TMEM245: variants seen among roughly 807,000 people sequenced by gnomAD.
TMEM245 encodes the protein protein CG-2.
In TMEM245, 69 loss-of-function variants were observed where a neutral mutation model predicts 101.2. The observed-to-expected ratio is 0.68, with a 90% CI of 0.56 to 0.83. The LOEUF is 0.83. Ranked by LOEUF, TMEM245 falls within the 40% of genes least tolerant of loss-of-function variation. The pLI is 0.00. For synonymous variants in TMEM245, 537 were observed against 449.8 expected (o/e 1.19, Z -2.45); for missense variants, 1,075 against 1,092.8 (o/e 0.98, Z 0.23).
rs778313333 is a variant in TMEM245 at position 109,087,275 on chromosome 9, C to T, written c.1218G>A (p.Val406=). 5.0e-6 allele frequency: 8 copies of T among 1,613,786 alleles called. No homozygotes were observed. In the African/African-American group the frequency reaches 5.3e-5, roughly 11 times the overall value. ...VVDFLEKRYH[V]WWGIIESFLK... ...GGAAGCTTTCTATAATGCCCCACCACACATGGTAGCGTTTCTCTAGGAAAT... is the reference window on the plus strand; with the variant it reads ...GGAAGCTTTCTATAATGCCCCACCATACATGGTAGCGTTTCTCTAGGAAAT... The change falls in exon 6 of 18, where the codon GTG becomes GTA. Residue 406 remains valine, a synonymous_variant. Coordinates refer to ENST00000374586, the MANE Select transcript of TMEM245 (RefSeq NM_032012.4).
At chr9:109,034,973 A>G (rs1828074829) in intron 16 of TMEM245, among the ~76,000 whole-genome samples, 1 of 151,846 alleles carries the variant, frequency 6.6e-6, no homozygotes, top group Non-Finnish European at 1.5e-5. Context: ...CCTGATCAAC[A>G]TGGTGAAATC....
chr9:109,030,797 G>A (rs1827922894), intron 17 of TMEM245, among the ~76,000 whole-genome samples: 1 of 152,126 alleles, frequency 6.6e-6, no homozygotes, highest in Non-Finnish European at 1.5e-5. Context: ...TGGCTAAAAT[G>A]GCCCCCTAAC....
intron 14 of TMEM245, among the ~76,000 whole-genome samples, chr9:109,048,059 T>C (rs780826955): frequency 2.0e-5 from 3 of 152,258 alleles, no homozygotes; most frequent in Non-Finnish European, 2.9e-5. Context: ...AGGGAAGCTA[T>C]AGCTGGTACT....
At chr9:109,106,432 C>T (rs1340786004) in intron 3 of TMEM245, 76 bp downstream of exon 3, 15 of 871,934 alleles carry the variant, frequency 1.7e-5, no homozygotes, top group Non-Finnish European at 2.1e-5. Context: ...AAAGCTGTTT[C>T]ATCATAGCAT....
chr9:109,104,926 GGTAA>G (rs1249391624), intron 3 of TMEM245, among the ~76,000 whole-genome samples: 9 of 152,034 alleles, frequency 5.9e-5, no homozygotes, highest in Non-Finnish European at 1.2e-4. Flanking sequence ...GAAACTTAAG[GGTAA>G]GTATTTACGA....
intron 17 of TMEM245, among the ~76,000 whole-genome samples, 157 bp downstream of exon 17, chr9:109,033,150 C>T (rs1008376447): frequency 6.6e-6 from 1 of 152,186 alleles, no homozygotes; most frequent in African/African-American, 2.4e-5. Context: ...ACTCTGCCAA[C>T]GATTTGTATT....
Position 109,087,226 on chromosome 9 carries a change from C to T in TMEM245, c.1267G>A (p.Ala423Thr), listed in dbSNP as rs1027963714. 8.7e-6 allele frequency: 14 copies of T among 1,613,544 alleles called. No homozygotes were observed. In the East Asian group the frequency reaches 2.2e-4, roughly 26 times the overall value. ...SFLKERQGAL[A>T]PWPIVGLGKF... Reference sequence around the variant, plus strand: ...CCAAGCCCGACAATGGGCCAAGGCGCGAGAGCTCCCTGCCGCTCCTTCAGG... The same window carrying T: ...CCAAGCCCGACAATGGGCCAAGGCGTGAGAGCTCCCTGCCGCTCCTTCAGG... The change falls in exon 6 of 18, where the codon GCG (alanine) becomes ACG (threonine). Residue 423 changes from alanine (A) to threonine (T), a missense_variant. By Grantham distance (58) the Ala-to-Thr change is moderately conservative. Transcript: ENST00000374586.
intron 11 of TMEM245, 62 bp from the exon 12 acceptor site, chr9:109,057,384 A>C: frequency 6.4e-7 from 1 of 1,565,670 alleles, no homozygotes; most frequent in Non-Finnish European, 8.7e-7. Context: ...AGAAAGTATA[A>C]ATGTCACATT....
intron 15 of TMEM245, 104 bp from the exon 16 acceptor site, chr9:109,036,484 A>C: frequency 8.9e-7 from 1 of 1,128,440 alleles, no homozygotes; most frequent in Non-Finnish European, 1.2e-6. Flanking sequence ...CCAACAAAAC[A>C]AGTTAAATAC....
At chr9:109,030,607 G>A (rs1827916763) in intron 17 of TMEM245, among the ~76,000 whole-genome samples, 1 of 152,140 alleles carries the variant, frequency 6.6e-6, no homozygotes, top group African/African-American at 2.4e-5. Flanking sequence ...TGTTGATTTC[G>A]AGCACCGCTG....
rs1827525182 is a variant in TMEM245 at position 109,018,728 on chromosome 9, AC to A, written c.*1731del. 1 of 150,200 alleles carries A rather than the reference AC, an allele frequency of 6.7e-6. No individual in the cohort carries two copies. Among genetic ancestry groups the A allele is most frequent in the African/African-American group, 2.4e-5 (1 of 40,954 alleles). The allele number at this position is 150,200 out of a possible 1,614,324, so 9.3% of individuals were successfully genotyped here. On this transcript the variant is annotated 3_prime_UTR_variant, in exon 18 of 18. Coordinates refer to ENST00000374586, the MANE Select transcript of TMEM245 (RefSeq NM_032012.4). ...AGGAAATCTTCAACGCTTAAGAACT[AC>A]CCCCCAACACTTTTTTTTTTCCTTG...
chr9:109,085,622 A>G (rs1829808636), intron 7 of TMEM245, among the ~76,000 whole-genome samples: 1 of 152,372 alleles, frequency 6.6e-6, no homozygotes, highest in South Asian at 2.1e-4. Flanking sequence ...TAGAAAAAGT[A>G]TCAAACAGAG....
intron 3 of TMEM245, among the ~76,000 whole-genome samples, chr9:109,094,199 T>C (rs1830080340): frequency 6.6e-6 from 1 of 152,230 alleles, no homozygotes; most frequent in South Asian, 2.1e-4. Flanking sequence ...AGCTCAATCA[T>C]TTGCACTAAA....
At chr9:109,098,659 T>C (rs1456825955) in intron 3 of TMEM245, among the ~76,000 whole-genome samples, 2 of 152,028 alleles carry the variant, frequency 1.3e-5, no homozygotes, top group East Asian at 3.9e-4. Flanking sequence ...AGAATGGTAT[T>C]GTATTTAAAA....
intron 5 of TMEM245, among the ~76,000 whole-genome samples, chr9:109,088,572 T>C: frequency 6.6e-6 from 1 of 151,650 alleles, no homozygotes; most frequent in East Asian, 1.9e-4. Context: ...GCTCAACGCC[T>C]GTAATCCCAG....
chr9:109,101,695 C>G (rs1830285674), intron 3 of TMEM245, among the ~76,000 whole-genome samples: 1 of 152,186 alleles, frequency 6.6e-6, no homozygotes, highest in Non-Finnish European at 1.5e-5. Context: ...CTGTACTCAA[C>G]ATTTATTCTG....
intron 7 of TMEM245, among the ~76,000 whole-genome samples, chr9:109,083,914 A>C (rs1243742292): frequency 7.1e-6 from 1 of 141,456 alleles, no homozygotes; most frequent in African/African-American, 2.6e-5. Flanking sequence ...AAAAAAAAAA[A>C]AAAAAAAAAA....
chr9:109,091,803 T>A (rs1388118345), intron 4 of TMEM245, among the ~76,000 whole-genome samples: 1 of 152,194 alleles, frequency 6.6e-6, no homozygotes. Flanking sequence ...TGCTATTATT[T>A]CTATTTCCTA....
intron 8 of TMEM245, among the ~76,000 whole-genome samples, chr9:109,076,908 G>A (rs1829526113): frequency 6.6e-6 from 1 of 151,906 alleles, no homozygotes; most frequent in African/African-American, 2.4e-5. Context: ...TGCCCAGGCT[G>A]GTCTCAAACT....
Sources: allele counts gnomAD v4.1 joint callset (sites outside exome capture counted in the v4.1 genomes callset), GRCh38; gene constraint gnomAD v4.1.1; transcripts MANE v1.5; gene names NCBI Gene and HGNC (gene_info 2026-07-23, HGNC 2026-07-21).